CCSER1: variants seen among roughly 807,000 people sequenced by gnomAD.
CCSER1 encodes coiled-coil serine rich protein 1, also known as serine-rich coiled-coil domain-containing protein 1.
CCSER1 carries 41 observed loss-of-function variants against 82.0 expected under a neutral mutation model. The ratio of observed to expected loss-of-function variants is 0.50; its 90% CI spans 0.39 to 0.65. The LOEUF is 0.65. Among genes scored for constraint, CCSER1 ranks in the 30% least tolerant of loss-of-function variants. The probability of loss-of-function intolerance (pLI) is 0.00; values close to 1 mark genes in which losing one functional copy is unlikely to be tolerated. For missense variants in CCSER1, 1,119 were observed against 1,064.2 expected, an observed-to-expected ratio of 1.05 and a Z score of -0.72; for synonymous variants, 414 against 383.9, an observed-to-expected ratio of 1.08 and a Z score of -0.92.
At chr4:90,381,087 C>CTA (rs1183063070) in intron 3 of CCSER1, among the ~76,000 whole-genome samples, 1 of 152,200 alleles carries the variant, frequency 6.6e-6, no homozygotes, top group Non-Finnish European at 1.5e-5. Context: ...ACTAACAATG[C>CTA]TAAAGCATGT....
intron 10 of CCSER1, among the ~76,000 whole-genome samples, chr4:91,561,576 C>T (rs771003318): frequency 5.3e-5 from 8 of 151,496 alleles, no homozygotes; most frequent in South Asian, 4.1e-4. Flanking sequence ...TATGTATTTA[C>T]GGGTGATTTT....
At chr4:91,405,827 G>A (rs755789497) in intron 10 of CCSER1, among the ~76,000 whole-genome samples, 10 of 152,244 alleles carry the variant, frequency 6.6e-5, no homozygotes, top group Middle Eastern at 3.4e-3. Flanking sequence ...GCACTTCCCA[G>A]GTGAGGCAAT....
intron 5 of CCSER1, among the ~76,000 whole-genome samples, chr4:90,521,913 C>T (rs1002444134): frequency 6.6e-6 from 1 of 152,118 alleles, no homozygotes; most frequent in Non-Finnish European, 1.5e-5. Flanking sequence ...GTTCAGAATG[C>T]CAGGCCAAAC....
intron 9 of CCSER1, among the ~76,000 whole-genome samples, chr4:90,973,294 T>C (rs1735291536): frequency 6.6e-6 from 1 of 151,712 alleles, no homozygotes; most frequent in African/African-American, 2.4e-5. Context: ...ATATCTACAA[T>C]ATATGATACT....
intron 6 of CCSER1, among the ~76,000 whole-genome samples, chr4:90,648,703 T>C (rs11731595): frequency 0.43 from 66,122 of 152,008 alleles, 14,728 homozygotes; most frequent in Middle Eastern, 0.54. Context: ...GAAACCAAAC[T>C]TGCTGACATC....
chr4:90,845,475 C>T (rs1398182013), intron 8 of CCSER1, among the ~76,000 whole-genome samples: 1 of 151,818 alleles, frequency 6.6e-6, no homozygotes, highest in Admixed American at 6.6e-5. Flanking sequence ...TTCTCCCAAT[C>T]CAAAATTGAC....
chr4:90,335,032 T>A (rs1344071096), intron 3 of CCSER1, among the ~76,000 whole-genome samples: 1 of 152,196 alleles, frequency 6.6e-6, no homozygotes, highest in Non-Finnish European at 1.5e-5. Flanking sequence ...TGGATGTGAC[T>A]ATAGGGATTT....
At chr4:90,526,879 A>G (rs1399604721) in intron 5 of CCSER1, among the ~76,000 whole-genome samples, 1 of 152,194 alleles carries the variant, frequency 6.6e-6, no homozygotes, top group Admixed American at 6.5e-5. Context: ...TCCTTTGGGT[A>G]TATACCCAGT....
At chr4:91,446,385 T>C (rs1282218164) in intron 10 of CCSER1, among the ~76,000 whole-genome samples, 1 of 151,998 alleles carries the variant, frequency 6.6e-6, no homozygotes, top group African/African-American at 2.4e-5. Flanking sequence ...GAATTAACCA[T>C]TTACATGTCA....
At chr4:91,570,334 A>C (rs1222665493) in intron 10 of CCSER1, among the ~76,000 whole-genome samples, 2 of 152,128 alleles carry the variant, frequency 1.3e-5, no homozygotes, top group Admixed American at 6.5e-5. Context: ...TAGCACCACT[A>C]GGCAGTGCCC....
intron 10 of CCSER1, among the ~76,000 whole-genome samples, chr4:91,149,134 C>T (rs901999432): frequency 3.3e-5 from 5 of 152,164 alleles, no homozygotes; most frequent in African/African-American, 1.2e-4. Flanking sequence ...CACATCCTCT[C>T]CAGCACCTGT....
At chr4:90,941,929 AT>A (rs1008849829) in intron 9 of CCSER1, among the ~76,000 whole-genome samples, 3 of 149,006 alleles carry the variant, frequency 2.0e-5, no homozygotes, top group South Asian at 2.1e-4. Context: ...CCTGTCTTCT[AT>A]TTTTTTTTCG....
At chr4:91,516,950 T>C (rs1239200941) in intron 10 of CCSER1, among the ~76,000 whole-genome samples, 1 of 152,180 alleles carries the variant, frequency 6.6e-6, no homozygotes, top group Non-Finnish European at 1.5e-5. Context: ...CTAGGTATTC[T>C]TTTTGTGGCA....
chr4:91,500,321 T>C (rs548756156), intron 10 of CCSER1, among the ~76,000 whole-genome samples: 1 of 152,192 alleles, frequency 6.6e-6, no homozygotes, highest in East Asian at 1.9e-4. Context: ...AATCAGGTTA[T>C]TTGATTTCTT....
At chr4:91,119,308 A>C (rs146853818) in intron 10 of CCSER1, among the ~76,000 whole-genome samples, 1 of 152,130 alleles carries the variant, frequency 6.6e-6, no homozygotes, top group Non-Finnish European at 1.5e-5. Context: ...TCATACTATT[A>C]AGCCTAAAAT....
intron 3 of CCSER1, among the ~76,000 whole-genome samples, chr4:90,314,032 G>C (rs1176796338): frequency 6.6e-6 from 1 of 152,094 alleles, no homozygotes; most frequent in African/African-American, 2.4e-5. Context: ...TAATTATTTT[G>C]TGAAGAAGCC....
rs1473998476 is a variant in CCSER1 at position 90,391,469 on chromosome 4, TATATATATATATATATAC to T, written c.1510-8565_1510-8548del. Among the ~76,000 whole-genome samples, 836 of 92,208 alleles carry T rather than the reference TATATATATATATATATAC, an allele frequency of 9.1e-3. 31 individuals carry two copies. Among genetic ancestry groups the T allele is most frequent in the African/African-American group, 0.047 (782 of 16,782 alleles). The allele number at this position is 92,208 out of a possible 152,430, so 60.5% of individuals were successfully genotyped here. On this transcript the variant is annotated intron_variant, in intron 3 of 10. Coordinates refer to ENST00000509176, the MANE Select transcript of CCSER1 (RefSeq NM_001145065.2). ...GTATATATATATATATATATATATA[TATATATATATATATATAC>T]ACACACACAGTGGGTAAATATATAT...
chr4:91,294,636 C>T (rs1457571396), intron 10 of CCSER1, among the ~76,000 whole-genome samples: 1 of 151,780 alleles, frequency 6.6e-6, no homozygotes, highest in African/African-American at 2.4e-5. Context: ...TCAGGGGTTC[C>T]TGATGTTTCT....
rs140371077 is a variant in CCSER1, at chr4:90,788,265, T to C, written c.2011-27497T>C. On this transcript the variant is annotated intron_variant, in intron 7 of 10. Transcript: ENST00000509176. ...TTGAAAAATCAGATATCAACTCAATTACTTATATATGATCTATAAAGTGTA... is the reference window on the plus strand; with the variant it reads ...TTGAAAAATCAGATATCAACTCAATCACTTATATATGATCTATAAAGTGTA... Among the ~76,000 whole-genome samples the C allele has an allele frequency of 1.6e-3, 248 of 152,324 alleles. 1 individual carries two copies. The highest frequency in any genetic ancestry group is 5.8e-3 in the African/African-American group (240 of 41,576).
Sources: allele counts gnomAD v4.1 joint callset (sites outside exome capture counted in the v4.1 genomes callset), GRCh38; gene constraint gnomAD v4.1.1; transcripts MANE v1.5; gene names NCBI Gene and HGNC (gene_info 2026-07-23, HGNC 2026-07-21).